The following KDM6A variants were observed in gnomAD, a reference collection of about 807,000 sequenced individuals.
KDM6A encodes lysine-specific demethylase 6A.
Under a neutral mutation model 117.6 loss-of-function variants are expected in KDM6A, and 11 were observed. The observed-to-expected ratio is 0.09, with a 90% CI of 0.06 to 0.15. The LOEUF (loss-of-function observed/expected upper bound fraction) is 0.15. KDM6A is among the 10% of genes least tolerant of loss of function. The pLI is 1.00. For missense variants in KDM6A, 799 were observed against 1,077.3 expected (o/e 0.74, Z 3.62); for synonymous variants, 384 against 396.1 (o/e 0.97, Z 0.36).
At chrX:44,886,092 C>G (rs1038841818) in intron 2 of KDM6A, among the ~76,000 whole-genome samples, 4 of 109,312 alleles carry the variant, frequency 3.7e-5, no homozygotes, top group African/African-American at 6.7e-5. Flanking sequence ...GAGTCTTGCT[C>G]TGTTGCCCAG....
At chrX:45,083,868 C>T (rs935253473) in intron 24 of KDM6A, among the ~76,000 whole-genome samples, 11 of 111,379 alleles carry the variant, frequency 9.9e-5, no homozygotes, top group Non-Finnish European at 1.9e-4. Context: ...TTCTTTTGGC[C>T]TGAAGACTCT....
intron 2 of KDM6A, among the ~76,000 whole-genome samples, chrX:44,949,348 G>A (rs866293295): frequency 8.9e-6 from 1 of 111,838 alleles, no homozygotes; most frequent in Non-Finnish European, 1.9e-5. Context: ...GAACATGATG[G>A]TGTGCCTCTG....
chrX:44,904,840 G>T (rs1331247157), intron 2 of KDM6A, among the ~76,000 whole-genome samples: 1 of 111,887 alleles, frequency 8.9e-6, no homozygotes, highest in East Asian at 2.8e-4. Context: ...AAGCCACAAA[G>T]CTTTCTGTTT....
intron 4 of KDM6A, 87 bp from the exon 5 acceptor site, chrX:45,010,874 A>G: frequency 1.4e-6 from 1 of 694,926 alleles, no homozygotes; most frequent in East Asian, 3.4e-5. Flanking sequence ...GACTTAAAAC[A>G]TCTTGGATAC....
intron 18 of KDM6A, among the ~76,000 whole-genome samples, chrX:45,073,264 G>A (rs1345386410): frequency 9.0e-6 from 1 of 111,730 alleles, no homozygotes; most frequent in African/African-American, 3.3e-5. Flanking sequence ...TCTTAATCCA[G>A]TCTATCATTG....
intron 6 of KDM6A, among the ~76,000 whole-genome samples, chrX:45,033,759 G>T (rs867928311): frequency 6.4e-5 from 7 of 109,645 alleles, no homozygotes; most frequent in South Asian, 7.9e-4. Flanking sequence ...CAGTATATTG[G>T]TCAGGCTGGT....
chrX:44,926,659 C>T (rs780624111), intron 2 of KDM6A, among the ~76,000 whole-genome samples: 8 of 111,553 alleles, frequency 7.2e-5, no homozygotes, highest in Non-Finnish European at 1.5e-4. Context: ...TAGATATTGA[C>T]ACTTTTTCTC....
intron 2 of KDM6A, among the ~76,000 whole-genome samples, chrX:44,876,882 TATAC>T (rs2031632017): frequency 9.0e-6 from 1 of 111,133 alleles, no homozygotes; most frequent in Non-Finnish European, 1.9e-5. Flanking sequence ...CACGTGTACA[TATAC>T]ATATATACAC....
intron 8 of KDM6A, among the ~76,000 whole-genome samples, chrX:45,041,545 G>A (rs1439214896): frequency 9.1e-6 from 1 of 110,147 alleles, no homozygotes; most frequent in Non-Finnish European, 1.9e-5. Flanking sequence ...CAGGGCGGTT[G>A]CCAGGCAGAG....
At chrX:45,015,182 G>T (rs1308695660) in intron 5 of KDM6A, among the ~76,000 whole-genome samples, 1 of 109,804 alleles carries the variant, frequency 9.1e-6, no homozygotes, top group Non-Finnish European at 1.9e-5. Context: ...GCCCACTGAA[G>T]TCTCAACCTC....
rs765392570 is a variant in KDM6A, at chrX:45,070,145, A to C, written c.2646A>C (p.Pro882=). ...SSAISTATPS[P]KSTEQTTTNS... is the part of the protein sequence containing the mutation. The stretch of plus-strand genomic sequence containing the variant: ...CCATTTCAACAGCAACACCTTCTCC[A>C]AAATCCACTGAGCAGACAACCACAA... The change falls in exon 18 of 30, where the codon CCA becomes CCC. Residue 882 remains proline, a synonymous_variant. Coordinates refer to ENST00000611820, the MANE Select transcript of KDM6A (RefSeq NM_001291415.2). 3 of 1,211,615 alleles carry C rather than the reference A, an allele frequency of 2.5e-6. No homozygotes were observed. The highest frequency in any genetic ancestry group is 3.0e-5 in the East Asian group (1 of 33,826).
At chrX:44,967,673 G>A (rs751046341) in intron 3 of KDM6A, among the ~76,000 whole-genome samples, 14 of 111,595 alleles carry the variant, frequency 1.3e-4, no homozygotes, top group Non-Finnish European at 2.1e-4. Flanking sequence ...TGTGTGTTTT[G>A]GGCTGTGGTT....
At chrX:45,059,886 G>A in intron 12 of KDM6A, 136 bp from the exon 13 acceptor site, 2 of 920,784 alleles carry the variant, frequency 2.2e-6, no homozygotes, top group South Asian at 4.7e-5. Context: ...TTTATACTTA[G>A]TGTCTTCTAA....
chrX:45,001,019 A>G (rs2041120685), intron 4 of KDM6A, among the ~76,000 whole-genome samples: 1 of 112,845 alleles, frequency 8.9e-6, no homozygotes, highest in African/African-American at 3.2e-5. Flanking sequence ...CTTAATTGCC[A>G]AAGTTTGTTT....
intron 5 of KDM6A, among the ~76,000 whole-genome samples, chrX:45,012,888 G>T (rs2041826805): frequency 9.0e-6 from 1 of 111,433 alleles, no homozygotes; most frequent in Admixed American, 9.5e-5. Context: ...TCTTAGGAAG[G>T]TATAATTGAT....
rs748079626 is a variant in KDM6A at position 45,058,990 on chromosome X, T to TC, written c.876-13dup. 5.3e-6 allele frequency: 6 copies of TC among 1,138,032 alleles called. No individual in the cohort carries two copies. The highest frequency in any genetic ancestry group is 3.6e-5 in the African/African-American group (2 of 54,998). The allele number at this position is 1,138,032 out of a possible 1,213,427, so 93.8% of individuals were successfully genotyped here. A position where few individuals can be genotyped will look rare whatever the true frequency, so the allele number is the denominator to read the frequency against. ...GAATTCTCTTGATTTTTTTTTTTTTTCCCTTCCCTTCTCAGGTGCTATTCA... is the reference window on the plus strand; with the variant it reads ...GAATTCTCTTGATTTTTTTTTTTTTTCCCCTTCCCTTCTCAGGTGCTATTCA... On this transcript the variant is annotated splice_polypyrimidine_tract_variant and intron_variant, in intron 10 of 29. Coordinates refer to ENST00000611820, the MANE Select transcript of KDM6A (RefSeq NM_001291415.2).
chrX:44,969,427 T>C (rs1384757206), intron 3 of KDM6A, among the ~76,000 whole-genome samples: 52 of 88,368 alleles, frequency 5.9e-4, no homozygotes, highest in Non-Finnish European at 8.4e-4. Flanking sequence ...TTTTTTTTTT[T>C]TTTTTTTTGA....
chrX:45,044,646 C>T (rs1180748032), intron 8 of KDM6A, among the ~76,000 whole-genome samples: 1 of 111,469 alleles, frequency 9.0e-6, no homozygotes, highest in Non-Finnish European at 1.9e-5. Flanking sequence ...CAAATGATAG[C>T]CAATAATGTA....
intron 2 of KDM6A, among the ~76,000 whole-genome samples, chrX:44,940,621 A>G (rs1338010251): frequency 8.9e-6 from 1 of 111,923 alleles, no homozygotes; most frequent in East Asian, 2.8e-4. Flanking sequence ...GGATAGACAT[A>G]TTTTGTCATT....
Sources: gnomAD v4.1 joint callset for allele counts (sites outside exome capture counted in the v4.1 genomes callset) on GRCh38, gnomAD v4.1.1 for gene constraint, MANE v1.5 for transcripts, NCBI Gene and HGNC (gene_info 2026-07-23, HGNC 2026-07-21) for gene names.